LRRC37B: variants seen among roughly 807,000 people sequenced by gnomAD.
LRRC37B encodes leucine-rich repeat-containing protein 37B.
In LRRC37B, 28 loss-of-function variants were observed where a neutral mutation model predicts 98.3. The ratio of observed to expected loss-of-function variants is 0.28; its 90% confidence interval spans 0.21 to 0.39. The LOEUF is 0.39. LRRC37B is among the 10% of genes least tolerant of loss of function. The pLI, the probability that LRRC37B is intolerant of heterozygous loss-of-function variation, is 1.00. For missense variants in LRRC37B, 938 were observed against 1,182.7 expected (o/e 0.79, Z 3.03); for synonymous variants, 364 against 442.7 (o/e 0.82, Z 2.23).
intron 5 of LRRC37B, chr17:32,033,951 A>C (rs2142250523): frequency 6.6e-6 from 1 of 152,262 alleles, no homozygotes; most frequent in Middle Eastern, 3.4e-3. Context: ...TGACAATGAC[A>C]ATAAGATGTG....
intron 7 of LRRC37B, among the ~76,000 whole-genome samples, chr17:32,045,116 A>G (rs1031522973): frequency 6.6e-6 from 1 of 151,800 alleles, no homozygotes; most frequent in Non-Finnish European, 1.5e-5. Context: ...TCATTAAAGA[A>G]CAACTCCCCC....
chr17:32,026,649 G>A (rs766269965), intron 2 of LRRC37B, among the ~76,000 whole-genome samples: 7 of 152,096 alleles, frequency 4.6e-5, no homozygotes, highest in Non-Finnish European at 8.8e-5. Flanking sequence ...GGCTGGTCTC[G>A]AACTCATGAT....
At chr17:32,036,845 G>A (rs922354527) in intron 7 of LRRC37B, among the ~76,000 whole-genome samples, 3 of 152,168 alleles carry the variant, frequency 2.0e-5, no homozygotes, top group East Asian at 3.8e-4. Flanking sequence ...ATACCTAGGA[G>A]TTGGATTCTT....
chr17:32,011,788 C>T (rs866475920), intron 1 of LRRC37B, among the ~76,000 whole-genome samples: 5 of 152,270 alleles, frequency 3.3e-5, no homozygotes, highest in South Asian at 2.1e-4. Flanking sequence ...TGAGCCACCG[C>T]GCCCAGCCCC....
chr17:32,022,790 A>T, exon 1 of LRRC37B: 2 of 1,613,958 alleles, frequency 1.2e-6, no homozygotes, highest in Non-Finnish European at 1.7e-6. Flanking sequence ...TGCCTGTGCC[A>T]GAGCCCGACA....
chr17:32,012,118 G>A (rs957950860), intron 1 of LRRC37B, among the ~76,000 whole-genome samples: 10 of 152,146 alleles, frequency 6.6e-5, no homozygotes, highest in Admixed American at 1.3e-4. Flanking sequence ...TCCTGCTGCC[G>A]TTAGGTAAAG....
exon 1 of LRRC37B, chr17:32,022,325 C>T: frequency 6.2e-7 from 1 of 1,613,978 alleles, no homozygotes; most frequent in Non-Finnish European, 8.5e-7. Flanking sequence ...CTCCAGAACA[C>T]CCTGAGGTGA....
intron 7 of LRRC37B, chr17:32,040,373 T>A: frequency 2.3e-6 from 1 of 441,374 alleles, no homozygotes; most frequent in Non-Finnish European, 4.3e-6. Flanking sequence ...GTGCAGAGGG[T>A]CACGCACCTG....
chr17:32,024,106 A>C (rs1437103042), intron 1 of LRRC37B, among the ~76,000 whole-genome samples: 1 of 151,868 alleles, frequency 6.6e-6, no homozygotes, highest in African/African-American at 2.4e-5. Flanking sequence ...CTTTATGTTC[A>C]AGTATAGACA....
chr17:32,030,147 AAATT>A (rs530818745), intron 3 of LRRC37B, among the ~76,000 whole-genome samples: 30 of 152,136 alleles, frequency 2.0e-4, no homozygotes, highest in Non-Finnish European at 4.1e-4. Context: ...AATATGATAG[AAATT>A]AATTGTATTA....
rs555563655 is a variant in LRRC37B at position 32,022,594 on chromosome 17, G to A, written c.1529G>A (p.Arg510Gln). 159 of 1,613,842 alleles carry A rather than the reference G, an allele frequency of 9.9e-5. No homozygotes were observed. The highest frequency in any genetic ancestry group is 1.3e-4 in the Non-Finnish European group (152 of 1,179,868). Residue 510 changes from arginine (R) to glutamine (Q), a missense_variant, in exon 1 of 12, where the codon CGA becomes CAA. Physicochemically the swap from Arg to Gln is conservative, Grantham distance 43 (BLOSUM62 1). Coordinates refer to ENST00000327564, the Ensembl canonical transcript of LRRC37B. ...CCAGACCAGGTTCAGACTCTGCATC[G>A]AAGCCTGACTGAAGTCACAGGTCCA...
intron 4 of LRRC37B, 74 bp from the exon 8 acceptor site, chr17:32,031,304 A>G (rs948551007): frequency 5.8e-6 from 9 of 1,564,840 alleles, no homozygotes; most frequent in Admixed American, 5.7e-5. Flanking sequence ...CATCCTATGT[A>G]AATTAGACTC....
intron 7 of LRRC37B, chr17:32,041,494 G>A (rs769013053): frequency 4.9e-6 from 3 of 616,284 alleles, no homozygotes; most frequent in Non-Finnish European, 9.2e-6. Flanking sequence ...TTCCTGCTCA[G>A]CTACATGGAC....
chr17:32,021,413 AC>A lies in LRRC37B; in HGVS notation c.350del (p.Pro117GlnfsTer9). On this transcript the variant is annotated frameshift_variant, in exon 1 of 12. Transcript: ENST00000327564. LOFTEE classifies it high-confidence loss of function. ...CGCAGATGTCAGCCCTGCCTCAGGA[AC>A]CAACTGAAAATTTGGCTCCATTCCT... is the stretch of plus-strand genomic sequence containing the variant. 6.2e-7 allele frequency: 1 copy of A among 1,613,830 alleles called. No individual in the cohort carries two copies. The highest frequency in any genetic ancestry group is 1.1e-5 in the South Asian group (1 of 91,042).
chr17:32,034,330 C>T (rs1198455148), intron 5 of LRRC37B, among the ~76,000 whole-genome samples: 2 of 151,774 alleles, frequency 1.3e-5, no homozygotes, highest in South Asian at 2.1e-4. Context: ...GATGAAACTC[C>T]GTCTCTACTA....
upstream of LRRC37B, chr17:32,020,928 G>T (rs187980070): frequency 1.8e-3 from 2,542 of 1,437,692 alleles, 6 homozygotes; most frequent in Admixed American, 3.1e-3. Context: ...AAGGGGAGGG[G>T]AGGGGTGTTC....
At chr17:32,046,547 G>T (rs1350052962) in intron 8 of LRRC37B, among the ~76,000 whole-genome samples, 1 of 151,522 alleles carries the variant, frequency 6.6e-6, no homozygotes, top group African/African-American at 2.4e-5. Context: ...ATAATGCTTG[G>T]CTACTTCTAT....
At chr17:32,043,466 C>T (rs1336823869) in intron 7 of LRRC37B, among the ~76,000 whole-genome samples, 3 of 152,204 alleles carry the variant, frequency 2.0e-5, no homozygotes, top group Admixed American at 6.5e-5. Flanking sequence ...GAGGCTGAGG[C>T]GGGAGGATCA....
chr17:32,021,233 G>A, exon 1 of LRRC37B: 2 of 1,612,726 alleles, frequency 1.2e-6, no homozygotes, highest in Non-Finnish European at 8.5e-7. Flanking sequence ...AGCCTCTGGT[G>A]TGGGTCAAGG....
Sources: gnomAD v4.1 joint callset for allele counts (sites outside exome capture counted in the v4.1 genomes callset) on GRCh38, gnomAD v4.1.1 for gene constraint, MANE v1.5 for transcripts, NCBI Gene and HGNC (gene_info 2026-07-23, HGNC 2026-07-21) for gene names.